VIL1: variants seen among roughly 807,000 people sequenced by gnomAD.
The protein encoded by VIL1 is villin-1.
A neutral mutation model predicts 104.0 loss-of-function variants in VIL1; 86 were observed. That is an observed-to-expected ratio of 0.83 (90% confidence interval 0.69 to 0.99). The LOEUF is 0.99. Ranked by LOEUF, VIL1 falls within the 50% of genes least tolerant of loss-of-function variation. The pLI, the probability that VIL1 is intolerant of heterozygous loss-of-function variation, is 0.00. For missense variants in VIL1, 944 were observed against 1,054.1 expected (o/e 0.90, Z 1.45); for synonymous variants, 394 against 412.6 (o/e 0.95, Z 0.55).
chr2:218,430,797 G>T lies in VIL1; in HGVS notation c.1021G>T (p.Val341Phe). ...GCAGAATGATGGGGCTGAGTCGGCC[G>T]TCTTTCAGCAGCTCTTCCAGAAGTG... ...EVQNDGAESAVFQQLFQKWTA... is the reference protein window; with the variant it reads ...EVQNDGAESAFFQQLFQKWTA... The change falls in exon 10 of 20, where the codon GTC becomes TTC. Residue 341 changes from valine to phenylalanine, a missense_variant. Coordinates refer to ENST00000248444, the MANE Select transcript of VIL1 (RefSeq NM_007127.3). 1 of 1,613,782 alleles carries T rather than the reference G, an allele frequency of 6.2e-7. No homozygotes were observed. Among genetic ancestry groups the T allele is most frequent in the Non-Finnish European group, 8.5e-7 (1 of 1,179,872 alleles).
chr2:218,444,590 A>AT (rs1689336599), intron 19 of VIL1, among the ~76,000 whole-genome samples: 1 of 152,088 alleles, frequency 6.6e-6, no homozygotes, highest in Admixed American at 6.6e-5. Context: ...CCTGTAGCTG[A>AT]TTTTTTAATC....
chr2:218,429,056 C>T (rs1051848308), intron 6 of VIL1, among the ~76,000 whole-genome samples: 1 of 152,216 alleles, frequency 6.6e-6, no homozygotes, highest in African/African-American at 2.4e-5. Flanking sequence ...CCAGCAAGCC[C>T]GCTTGAGCAC....
chr2:218,433,678 G>A (rs1689137254), intron 13 of VIL1, among the ~76,000 whole-genome samples: 1 of 152,154 alleles, frequency 6.6e-6, no homozygotes, highest in Admixed American at 6.5e-5. Context: ...AGGCAGAGGT[G>A]GGTGGATCAC....
chr2:218,446,424 G>A (rs1689364448), intron 19 of VIL1, among the ~76,000 whole-genome samples: 1 of 152,054 alleles, frequency 6.6e-6, no homozygotes, highest in Non-Finnish European at 1.5e-5. Flanking sequence ...TAGTAGAGAT[G>A]GGGTTTCACC....
intron 17 of VIL1, among the ~76,000 whole-genome samples, chr2:218,438,331 G>A (rs1689229525): frequency 6.6e-6 from 1 of 152,190 alleles, no homozygotes; most frequent in Non-Finnish European, 1.5e-5. Flanking sequence ...AGCCTACATA[G>A]CCTAGGCAGG....
intron 15 of VIL1, among the ~76,000 whole-genome samples, chr2:218,435,744 A>G (rs1689178305): frequency 1.3e-5 from 2 of 152,216 alleles, no homozygotes; most frequent in African/African-American, 2.4e-5. Flanking sequence ...TTTGCCTTTC[A>G]GTAACAAGAT....
At chr2:218,425,940 A>T in intron 4 of VIL1, 129 bp downstream of exon 4, 29 of 936,702 alleles carry the variant, frequency 3.1e-5, no homozygotes, top group Non-Finnish European at 3.5e-5. Flanking sequence ...GAGCAGGGGG[A>T]GGTGACCTGG....
In VIL1 at chr2:218,452,104, T is replaced by C. The variant is rs986733495; in HGVS notation, c.*2768T>C. 1 of 152,490 alleles carries C rather than the reference T, an allele frequency of 6.6e-6. No individual in the cohort carries two copies. The highest frequency in any genetic ancestry group is 6.5e-5 in the Admixed American group (1 of 15,280). 9.4% of individuals were successfully genotyped at this position (152,490 alleles called of 1,614,324 possible). A position where few individuals can be genotyped will look rare whatever the true frequency, so the allele number is the denominator to read the frequency against. On this transcript the variant is annotated 3_prime_UTR_variant, in exon 20 of 20. Coordinates refer to ENST00000248444, the MANE Select transcript of VIL1 (RefSeq NM_007127.3). ...CTATTAGGTGATTAAAATCAACAAATATGAAGTTTAGTTCATTTTTCCCTT... is the reference window on the plus strand; with the variant it reads ...CTATTAGGTGATTAAAATCAACAAACATGAAGTTTAGTTCATTTTTCCCTT...
chr2:218,447,755 T>C (rs547073768), intron 19 of VIL1, among the ~76,000 whole-genome samples: 1 of 151,802 alleles, frequency 6.6e-6, no homozygotes, highest in African/African-American at 2.4e-5. Context: ...TTTTTTGAGA[T>C]GGAAAACTGT....
At chr2:218,443,828 T>G in intron 19 of VIL1, among the ~76,000 whole-genome samples, 1 of 152,028 alleles carries the variant, frequency 6.6e-6, no homozygotes, top group East Asian at 1.9e-4. Flanking sequence ...CTAATTTTTG[T>G]ATTTTTAGTA....
At chr2:218,441,788 G>A (rs890490987) in intron 19 of VIL1, among the ~76,000 whole-genome samples, 4 of 152,082 alleles carry the variant, frequency 2.6e-5, no homozygotes, top group African/African-American at 9.7e-5. Flanking sequence ...AGGTGTTCGA[G>A]ACCAGCCTGG....
intron 19 of VIL1, among the ~76,000 whole-genome samples, chr2:218,446,872 T>C (rs1342062319): frequency 1.3e-5 from 2 of 149,788 alleles, no homozygotes; most frequent in Non-Finnish European, 2.9e-5. Context: ...GAAGCAATTC[T>C]CCTGCCTCAG....
At position 218,449,470 on chromosome 2, in the gene VIL1, G is replaced by A; in HGVS notation, c.*134G>A. The stretch of plus-strand genomic sequence containing the variant: ...ATGAGCACAAACTTCTGTGGCAAAT[G>A]CCAGTTTTGTTTAATAATGTACCTA... On this transcript the variant is annotated 3_prime_UTR_variant, in exon 20 of 20. Coordinates refer to ENST00000248444, the MANE Select transcript of VIL1 (RefSeq NM_007127.3). 2.9e-6 allele frequency: 2 copies of A among 688,052 alleles called. No individual in the cohort carries two copies. Among genetic ancestry groups the A allele is most frequent in the South Asian group, 1.7e-5 (1 of 59,502 alleles). 42.6% of individuals were successfully genotyped at this position (688,052 alleles called of 1,614,324 possible).
At position 218,447,295 on chromosome 2, in the gene VIL1, G is replaced by A. The variant is rs571243856; in HGVS notation, c.2371-1928G>A. On this transcript the variant is annotated intron_variant, in intron 19 of 19. Transcript: ENST00000248444. ...AGGGTGACAGGCTTTTGCTAGAAGA[G>A]TTGTATGTCCTGTGACAGCAATAAA... Among the ~76,000 whole-genome samples, 65 of 152,260 alleles carry A rather than the reference G, an allele frequency of 4.3e-4. 1 individual carries two copies. Among genetic ancestry groups the A allele is most frequent in the African/African-American group, 1.5e-3 (63 of 41,564 alleles).
At chr2:218,426,816 A>G (rs1022312332) in intron 4 of VIL1, among the ~76,000 whole-genome samples, 4 of 150,696 alleles carry the variant, frequency 2.7e-5, no homozygotes, top group African/African-American at 4.9e-5. Flanking sequence ...GTTAGCCAGG[A>G]TGGTCTCAAT....
Position 218,435,284 on chromosome 2 carries a change from C to T in VIL1, c.1681-5C>T. ...TAGAAATTAGCCAACTCTTTTTTTT[C>T]CTAGGGTTGTAGCGGGGACGAGCGG... On this transcript the variant is annotated splice_polypyrimidine_tract_variant and splice_region_variant and intron_variant, in intron 14 of 19. Coordinates refer to ENST00000248444, the MANE Select transcript of VIL1 (RefSeq NM_007127.3). 1 of 1,606,548 alleles carries T rather than the reference C, an allele frequency of 6.2e-7. No homozygotes were observed. The highest frequency in any genetic ancestry group is 8.5e-7 in the Non-Finnish European group (1 of 1,177,320).
intron 19 of VIL1, among the ~76,000 whole-genome samples, chr2:218,446,834 G>A (rs973998061): frequency 9.1e-5 from 13 of 143,058 alleles, no homozygotes; most frequent in African/African-American, 2.8e-4. Flanking sequence ...GTGCGATCTC[G>A]CTCACTGCAA....
intron 17 of VIL1, among the ~76,000 whole-genome samples, chr2:218,437,799 T>A (rs1356239565): frequency 6.6e-6 from 1 of 152,146 alleles, no homozygotes; most frequent in Non-Finnish European, 1.5e-5. Flanking sequence ...ATGTGTGTGG[T>A]CCTTACCTGA....
chr2:218,422,534 G>A (rs1688912779), intron 1 of VIL1, among the ~76,000 whole-genome samples: 1 of 152,166 alleles, frequency 6.6e-6, no homozygotes, highest in Non-Finnish European at 1.5e-5. Flanking sequence ...GTCGGAGCAG[G>A]CAATGATCAG....
Sources: gnomAD v4.1 joint callset for allele counts (sites outside exome capture counted in the v4.1 genomes callset) on GRCh38, gnomAD v4.1.1 for gene constraint, MANE v1.5 for transcripts, NCBI Gene and HGNC (gene_info 2026-07-23, HGNC 2026-07-21) for gene names.